MYO1B: variants seen among roughly 807,000 people sequenced by gnomAD.
The protein encoded by MYO1B is unconventional myosin-Ib.
In MYO1B, 72 loss-of-function variants were observed where a neutral mutation model predicts 159.7. The observed-to-expected ratio is 0.45, with a 90% CI of 0.37 to 0.55. MYO1B has a LOEUF of 0.55. MYO1B is among the 20% of genes least tolerant of loss of function. The pLI is 0.00. For missense variants in MYO1B, 1,062 were observed against 1,364.8 expected, an observed-to-expected ratio of 0.78 and a Z score of 3.50; for synonymous variants, 468 against 473.8, an observed-to-expected ratio of 0.99 and a Z score of 0.16.
At chr2:191,264,770 A>G (rs1687026138) in intron 1 of MYO1B, among the ~76,000 whole-genome samples, 1 of 150,698 alleles carries the variant, frequency 6.6e-6, no homozygotes, top group African/African-American at 2.4e-5. Context: ...TTGGTTTTTA[A>G]CATTCTCTAT....
At chr2:191,336,812 A>G (rs1691880753) in intron 4 of MYO1B, among the ~76,000 whole-genome samples, 1 of 152,300 alleles carries the variant, frequency 6.6e-6, no homozygotes, top group African/African-American at 2.4e-5. Context: ...ACTCTGGTCT[A>G]GGGCTCTGAA....
At chr2:191,329,645 AATT>A (rs1419324438) in intron 3 of MYO1B, among the ~76,000 whole-genome samples, 3 of 147,730 alleles carry the variant, frequency 2.0e-5, no homozygotes, top group Non-Finnish European at 4.5e-5. Context: ...AATTTATATA[AATT>A]ATTTATTTAT....
intron 4 of MYO1B, among the ~76,000 whole-genome samples, chr2:191,340,930 A>T (rs1421016993): frequency 2.0e-5 from 3 of 152,016 alleles, no homozygotes; most frequent in Non-Finnish European, 4.4e-5. Context: ...TCACCATATC[A>T]GCCAGGCTGG....
chr2:191,249,652 T>C (rs1685994076), intron 1 of MYO1B, among the ~76,000 whole-genome samples: 2 of 152,232 alleles, frequency 1.3e-5, no homozygotes, highest in South Asian at 4.1e-4. Flanking sequence ...TTCCTCAGAA[T>C]GCTCCTGGGC....
intron 7 of MYO1B, among the ~76,000 whole-genome samples, chr2:191,350,657 G>A (rs1240182366): frequency 6.6e-6 from 1 of 151,986 alleles, no homozygotes; most frequent in Non-Finnish European, 1.5e-5. Context: ...GAGTAGACCT[G>A]TACTTCAGTC....
chr2:191,380,993 C>A, intron 13 of MYO1B: 1 of 258,492 alleles, frequency 3.9e-6, no homozygotes, highest in Non-Finnish European at 7.6e-6. Context: ...ACATGATTTA[C>A]AAAAAGGGTT....
chr2:191,296,758 A>T (rs1315517932), intron 3 of MYO1B, among the ~76,000 whole-genome samples: 1 of 152,230 alleles, frequency 6.6e-6, no homozygotes, highest in Admixed American at 6.5e-5. Context: ...TTGTTAGTGT[A>T]AATAATTCCT....
At chr2:191,301,445 T>C (rs1035335933) in intron 3 of MYO1B, among the ~76,000 whole-genome samples, 3 of 152,174 alleles carry the variant, frequency 2.0e-5, no homozygotes, top group African/African-American at 7.2e-5. Flanking sequence ...AGAAACTTTT[T>C]GATCACAACA....
chr2:191,307,678 A>G (rs988798280), intron 3 of MYO1B, among the ~76,000 whole-genome samples: 7 of 152,150 alleles, frequency 4.6e-5, no homozygotes, highest in African/African-American at 7.2e-5. Flanking sequence ...CCCACTTCAG[A>G]CACCAGCCAT....
chr2:191,424,755 T>C lies in MYO1B; in HGVS notation c.*795T>C, dbSNP rs1698130971. On this transcript the variant is annotated 3_prime_UTR_variant, in exon 31 of 31. Transcript: ENST00000392318. ...TAAGATTATATGTTTCTGTTTCTGG[T>C]AAATACCATATATGATCCTCGAAAT... The C allele has an allele frequency of 1.3e-5, 2 of 152,516 alleles. No individual in the cohort carries two copies. Among genetic ancestry groups the C allele is most frequent in the South Asian group, 4.1e-4 (2 of 4,836 alleles). 9.4% of individuals were successfully genotyped at this position (152,516 alleles called of 1,614,324 possible).
chr2:191,381,382 G>A, intron 13 of MYO1B, 80 bp from the exon 14 acceptor site: 1 of 991,856 alleles, frequency 1.0e-6, no homozygotes, highest in Non-Finnish European at 1.6e-6. Context: ...ATTTCTCATG[G>A]ATTGAGATGT....
intron 7 of MYO1B, among the ~76,000 whole-genome samples, chr2:191,357,848 G>A (rs969690857): frequency 2.0e-5 from 3 of 152,190 alleles, no homozygotes; most frequent in Non-Finnish European, 4.4e-5. Flanking sequence ...AACCAATAAG[G>A]AATGGTCTTA....
At chr2:191,250,589 G>T (rs1421340639) in intron 1 of MYO1B, among the ~76,000 whole-genome samples, 1 of 152,226 alleles carries the variant, frequency 6.6e-6, no homozygotes, top group African/African-American at 2.4e-5. Flanking sequence ...TCCAAAGAAT[G>T]AGTCATTCAC....
Position 191,276,972 on chromosome 2 carries a change from T to G in MYO1B, c.77T>G (p.Leu26Arg), listed in dbSNP as rs1468342185. ...GVGDMVLLEP[L>R]NEETFINNLK... ...GGGGATATGGTTCTTTTAGAACCTC[T>G]CAATGAGGAGACCTTCATCAACAAC... Residue 26 changes from leucine to arginine, a missense_variant, in exon 2 of 31, where the codon CTC becomes CGC. By Grantham distance (102) the Leu-to-Arg change is moderately radical. Coordinates refer to ENST00000392318, the MANE Select transcript of MYO1B (RefSeq NM_001130158.3). 3 of 1,614,030 alleles carry G rather than the reference T, an allele frequency of 1.9e-6. No homozygotes were observed. Among genetic ancestry groups the G allele is most frequent in the East Asian group, 4.5e-5 (2 of 44,880 alleles).
intron 13 of MYO1B, among the ~76,000 whole-genome samples, chr2:191,378,842 A>T (rs1162192244): frequency 6.6e-6 from 1 of 152,012 alleles, no homozygotes; most frequent in African/African-American, 2.4e-5. Flanking sequence ...AGATTTTGGG[A>T]TAAGGGGTGA....
At chr2:191,248,082 T>C (rs925705294) in intron 1 of MYO1B, 43 of 946,326 alleles carry the variant, frequency 4.5e-5, no homozygotes, top group Admixed American at 6.2e-5. Flanking sequence ...TGTCCTCCTT[T>C]GGGTAAGATT....
In MYO1B at chr2:191,362,368, G is replaced by T. The variant is rs1482840304; in HGVS notation, c.762G>T (p.Val254=). Residue 254 remains valine (V), a synonymous_variant, in exon 9 of 31, where the codon GTG becomes GTT. Coordinates refer to ENST00000392318, the MANE Select transcript of MYO1B (RefSeq NM_001130158.3). ...ATGATGCAGCAAATTTTAGAACCGT[G>T]CGGGTAAGATGTAGTACTTTCATCA... ...GVDDAANFRT[V]RNAMQIVGFM... is the part of the protein sequence containing the mutation. The T allele has an allele frequency of 1.9e-6, 3 of 1,612,864 alleles. No individual in the cohort carries two copies. Among genetic ancestry groups the T allele is most frequent in the Non-Finnish European group, 2.5e-6 (3 of 1,179,032 alleles).
At chr2:191,327,758 T>C (rs990172431) in intron 3 of MYO1B, among the ~76,000 whole-genome samples, 5 of 152,236 alleles carry the variant, frequency 3.3e-5, no homozygotes, top group African/African-American at 1.2e-4. Flanking sequence ...CAGTGCACAT[T>C]GTTCAAAGGA....
At chr2:191,360,317 C>T (rs568179454) in intron 7 of MYO1B, among the ~76,000 whole-genome samples, 30 of 152,186 alleles carry the variant, frequency 2.0e-4, no homozygotes, top group Non-Finnish European at 2.9e-4. Flanking sequence ...ACATTTGTAA[C>T]GTCACATTTT....
Sources: gnomAD v4.1 joint callset for allele counts (sites outside exome capture counted in the v4.1 genomes callset) on GRCh38, gnomAD v4.1.1 for gene constraint, MANE v1.5 for transcripts, NCBI Gene and HGNC (gene_info 2026-07-23, HGNC 2026-07-21) for gene names.